The following ALG12 variants were observed in gnomAD, a reference collection of about 807,000 sequenced individuals.
The protein encoded by ALG12 is dol-P-Man:Man(7)GlcNAc(2)-PP-Dol alpha-1,6-mannosyltransferase.
ALG12 carries 36 observed loss-of-function variants against 46.0 expected under a neutral mutation model. The observed-to-expected ratio is 0.78, with a 90% CI of 0.60 to 1.03. The LOEUF is 1.03. ALG12 is among the 50% of genes least tolerant of loss of function. The probability of loss-of-function intolerance (pLI) is 0.00; values close to 1 mark genes in which losing one functional copy is unlikely to be tolerated. For missense variants in ALG12, 599 were observed against 633.5 expected, an observed-to-expected ratio of 0.95 and a Z score of 0.58; for synonymous variants, 326 against 291.6, an observed-to-expected ratio of 1.12 and a Z score of -1.20.
At chr22:49,884,473 G>A in the ALG12 span, 2 of 1,614,214 alleles carry the variant, frequency 1.2e-6, no homozygotes, top group Non-Finnish European at 8.5e-7. Context: ...AGAGAACTTA[G>A]CGGAGAAGAG....
the ALG12 span, chr22:49,888,033 G>A: frequency 6.0e-6 from 1 of 167,224 alleles, no homozygotes; most frequent in Non-Finnish European, 1.5e-5. Context: ...TGACCCCCTT[G>A]TTTGATCAAA....
In ALG12 at chr22:49,901,790, GTGGTATGTA is replaced by G. The variant is rs2060508572; in HGVS notation, c.*2039_*2047del. ...GGTAATGTGCACGTGTGCACTGTGT[GTGGTATGTA>G]TGCATGGTGTGTGCACGTGTGCACT... On this transcript the variant is annotated 3_prime_UTR_variant, in exon 10 of 10. Coordinates refer to ENST00000330817, the MANE Select transcript of ALG12 (RefSeq NM_024105.4). The G allele has an allele frequency of 7.6e-6, 1 of 131,896 alleles. No individual in the cohort carries two copies. Among genetic ancestry groups the G allele is most frequent in the Admixed American group, 7.1e-5 (1 of 14,054 alleles). The allele number at this position is 131,896 out of a possible 1,614,324, so 8.2% of individuals were successfully genotyped here.
downstream of ALG12, among the ~76,000 whole-genome samples, chr22:49,900,004 T>C (rs533455446): frequency 1.3e-5 from 2 of 151,544 alleles, no homozygotes; most frequent in East Asian, 1.9e-4. Flanking sequence ...TCAAGAAAAA[T>C]TTTTTAAAAA....
chr22:49,885,326 T>C, the ALG12 span: 1 of 1,591,898 alleles, frequency 6.3e-7, no homozygotes, highest in Non-Finnish European at 8.6e-7. Flanking sequence ...ATGTTTCCTG[T>C]TAATAGCAAA....
chr22:49,880,177 C>T, the ALG12 span, among the ~76,000 whole-genome samples: 100 of 152,166 alleles, frequency 6.6e-4, no homozygotes, highest in African/African-American at 2.3e-3. Flanking sequence ...CTTAAAAGAG[C>T]GGCCGTTGTT....
At chr22:49,894,747 T>G in the ALG12 span, among the ~76,000 whole-genome samples, 2 of 152,244 alleles carry the variant, frequency 1.3e-5, no homozygotes, top group African/African-American at 4.8e-5. Context: ...AAAGTGAGTG[T>G]TGTTCCAGAA....
Position 49,903,787 on chromosome 22 carries a change from T to C in ALG12, c.*51A>G, listed in dbSNP as rs1321. The C allele has an allele frequency of 0.24, 380,942 of 1,578,790 alleles. 58,813 individuals are homozygous for C. The highest frequency in any genetic ancestry group is 0.74 in the African/African-American group (54,995 of 74,342). On this transcript the variant is annotated 3_prime_UTR_variant, in exon 10 of 10. Coordinates refer to ENST00000330817, the MANE Select transcript of ALG12 (RefSeq NM_024105.4). Reference sequence around the variant, plus strand: ...CTGGAATTGTGCCAGAAACTGGTAGTGATAACAGCTCCTGGAAGGCCTGTG... The same window carrying C: ...CTGGAATTGTGCCAGAAACTGGTAGCGATAACAGCTCCTGGAAGGCCTGTG...
the ALG12 span, among the ~76,000 whole-genome samples, chr22:49,892,580 A>G: frequency 6.6e-6 from 1 of 152,346 alleles, no homozygotes; most frequent in South Asian, 2.1e-4. Flanking sequence ...AAGCTGAGAC[A>G]TCTTTGGGCA....
At chr22:49,886,851 C>T in the ALG12 span, 1 of 1,614,028 alleles carries the variant, frequency 6.2e-7, no homozygotes, top group Non-Finnish European at 8.5e-7. This position sits in a 1 kb window ranked among gnomAD's most constrained non-coding sequence, Gnocchi z 7.7. Context: ...CAGAGGAGAA[C>T]CTGTGGTCAC....
chr22:49,884,766 G>A, the ALG12 span: 121 of 1,601,206 alleles, frequency 7.6e-5, no homozygotes, highest in Admixed American at 2.0e-3. Context: ...CGGAGGGGGA[G>A]CTCAGCTCTG....
chr22:49,861,765 C>T, the ALG12 span, among the ~76,000 whole-genome samples: 2 of 152,218 alleles, frequency 1.3e-5, no homozygotes, highest in African/African-American at 2.4e-5. Flanking sequence ...CTGCTCAGCA[C>T]ATGTATGAAT....
At chr22:49,874,968 C>A in the ALG12 span, among the ~76,000 whole-genome samples, 6 of 152,056 alleles carry the variant, frequency 3.9e-5, no homozygotes, top group African/African-American at 1.4e-4. Context: ...CAGGTGTGAG[C>A]CACTGCACCC....
chr22:49,876,389 A>G, the ALG12 span, among the ~76,000 whole-genome samples: 1 of 152,160 alleles, frequency 6.6e-6, no homozygotes, highest in Non-Finnish European at 1.5e-5. Flanking sequence ...TCCATCCGTG[A>G]TGGTGACTTA....
At chr22:49,899,082 G>C (rs765399670), downstream of ALG12, among the ~76,000 whole-genome samples, 1 of 152,116 alleles carries the variant, frequency 6.6e-6, no homozygotes, top group Non-Finnish European at 1.5e-5. Flanking sequence ...TTGAGCCCAG[G>C]AGTTTGAGAC....
chr22:49,886,812 T>C, the ALG12 span: 4 of 1,613,528 alleles, frequency 2.5e-6, no homozygotes, highest in South Asian at 3.3e-5. The surrounding 1 kb of genome is among the most constrained non-coding windows in gnomAD (Gnocchi z 7.7). Context: ...ACAGGTGTGA[T>C]GCTGGCTCCC....
chr22:49,905,899 G>A lies in ALG12; in HGVS notation c.993-1393C>T, dbSNP rs1354256778. 4.6e-5 allele frequency among the ~76,000 whole-genome samples: 7 copies of A among 152,130 alleles called. No homozygotes were observed. Among genetic ancestry groups the A allele is most frequent in the African/African-American group, 7.2e-5 (3 of 41,428 alleles). On this transcript the variant is annotated intron_variant, in intron 7 of 9. Coordinates refer to ENST00000330817, the MANE Select transcript of ALG12 (RefSeq NM_024105.4). This position sits in a 1 kb window ranked among gnomAD's most constrained non-coding sequence, Gnocchi z 4.9. ...AGAGCTCAGCACTGCCAGGGCGTTCGTCCTTTGTTCCCGCCCAAACCTGGA... is the reference window on the plus strand; with the variant it reads ...AGAGCTCAGCACTGCCAGGGCGTTCATCCTTTGTTCCCGCCCAAACCTGGA...
chr22:49,888,597 C>T, the ALG12 span: 8 of 167,402 alleles, frequency 4.8e-5, no homozygotes, highest in African/African-American at 1.9e-4. Context: ...ATTCTTACAA[C>T]AACAGTTCTG....
In ALG12 at chr22:49,901,657, C is replaced by CATGTATGGTGTGT. The variant is rs2060506738; in HGVS notation, c.*2168_*2180dup. 2 of 133,378 alleles carry CATGTATGGTGTGT rather than the reference C, an allele frequency of 1.5e-5. No individual in the cohort carries two copies. The highest frequency in any genetic ancestry group is 6.3e-5 in the African/African-American group (2 of 31,760). The allele number at this position is 133,378 out of a possible 1,614,324, so 8.3% of individuals were successfully genotyped here. On this transcript the variant is annotated 3_prime_UTR_variant, in exon 10 of 10. Transcript: ENST00000330817. ...TATGGTGTGTGCACGTGTGATCATG[C>CATGTATGGTGTGT]ATGTATGGTGTGTATGCATGGTGTG... is the stretch of plus-strand genomic sequence containing the variant.
At chr22:49,883,603 T>C in the ALG12 span, 1 of 1,465,322 alleles carries the variant, frequency 6.8e-7, no homozygotes, top group Admixed American at 2.3e-5. Context: ...GGGGCACAAA[T>C]GAGCACTTGG....
Sources: gnomAD v4.1 joint callset for allele counts (sites outside exome capture counted in the v4.1 genomes callset) on GRCh38, gnomAD v4.1.1 for gene constraint, Gnocchi (gnomAD v3.1) non-coding constraint, MANE v1.5 for transcripts, NCBI Gene and HGNC (gene_info 2026-07-23, HGNC 2026-07-21) for gene names.